The following PIGB variants were observed in gnomAD, a reference collection of about 807,000 sequenced individuals.
PIGB encodes the protein phosphatidylinositol glycan anchor biosynthesis class B, also known as GPI alpha-1,2-mannosyltransferase 3.
PIGB carries 58 observed loss-of-function variants against 68.4 expected under a neutral mutation model. The observed-to-expected ratio is 0.85, with a 90% CI of 0.69 to 1.06. The LOEUF is 1.06. PIGB is among the 50% of genes least tolerant of loss of function. PIGB has a pLI of 0.00. For missense variants in PIGB, 634 were observed against 655.8 expected, an observed-to-expected ratio of 0.97 and a Z score of 0.36; for synonymous variants, 219 against 220.5, an observed-to-expected ratio of 0.99 and a Z score of 0.06.
At chr15:55,342,389 AATTATT>A (rs1200102984) in intron 9 of PIGB, among the ~76,000 whole-genome samples, 1 of 152,084 alleles carries the variant, frequency 6.6e-6, no homozygotes, top group Non-Finnish European at 1.5e-5. Flanking sequence ...AGGCATATGC[AATTATT>A]ATTATTATCT....
intron 9 of PIGB, chr15:55,349,918 G>A (rs2055884785): frequency 6.6e-6 from 1 of 152,200 alleles, no homozygotes. Flanking sequence ...ATCCTAATAT[G>A]TCCATTAATA....
At chr15:55,335,798 A>G (rs1053958356) in intron 6 of PIGB, among the ~76,000 whole-genome samples, 3 of 152,158 alleles carry the variant, frequency 2.0e-5, no homozygotes, top group Admixed American at 1.3e-4. Context: ...AACAGCAAGG[A>G]GACTGATGTG....
chr15:55,333,115 T>C (rs768454138), intron 5 of PIGB, among the ~76,000 whole-genome samples: 1 of 151,960 alleles, frequency 6.6e-6, no homozygotes, highest in African/African-American at 2.4e-5. Context: ...AAGAAAGTAA[T>C]TGGCAAAGTT....
chr15:55,354,777 T>C lies in PIGB; in HGVS notation c.1338-21T>C, dbSNP rs1166588958. On this transcript the variant is annotated intron_variant, in intron 10 of 11. Coordinates refer to ENST00000164305, the MANE Select transcript of PIGB (RefSeq NM_004855.5). ...TTTCATGTTTTACTTGTATTTATTA[T>C]GGTAACTTTTCTTTTCATAGCCATG... The C allele has an allele frequency of 1.9e-6, 3 of 1,567,982 alleles. No individual in the cohort carries two copies. In the South Asian group the frequency reaches 3.6e-5, roughly 19 times the overall value.
chr15:55,320,102 A>T (rs1348564297), intron 1 of PIGB, 173 bp from the exon 2 acceptor site: 1 of 455,944 alleles, frequency 2.2e-6, no homozygotes, highest in Admixed American at 3.9e-5. Context: ...TCACCCAGTG[A>T]TGACGCTGTG....
At chr15:55,325,972 G>A (rs1202971631) in intron 3 of PIGB, among the ~76,000 whole-genome samples, 1 of 152,056 alleles carries the variant, frequency 6.6e-6, no homozygotes, top group Non-Finnish European at 1.5e-5. Flanking sequence ...CGAGGCAGGC[G>A]GATTGCCTGA....
chr15:55,333,853 T>C lies in PIGB; in HGVS notation c.654-14T>C. 1 of 1,532,634 alleles carries C rather than the reference T, an allele frequency of 6.5e-7. No individual in the cohort carries two copies. The highest frequency in any genetic ancestry group is 1.2e-5 in the South Asian group (1 of 80,088). 94.9% of individuals were successfully genotyped at this position (1,532,634 alleles called of 1,614,324 possible). On this transcript the variant is annotated splice_polypyrimidine_tract_variant and intron_variant, in intron 5 of 11. Transcript: ENST00000164305. ...AATTTCCCACTTGTCTTATCACACA[T>C]TTTCCTCTTATAGTGTCAAATACTC...
At chr15:55,354,672 A>T in intron 10 of PIGB, 126 bp from the exon 11 acceptor site, 1 of 695,168 alleles carries the variant, frequency 1.4e-6, no homozygotes, top group Non-Finnish European at 2.3e-6. Context: ...TTGCTTCTTC[A>T]CTTAACTGCA....
intron 10 of PIGB, among the ~76,000 whole-genome samples, chr15:55,353,998 T>TAAAAATAAAAATAAAAAA (rs112479438): frequency 8.9e-6 from 1 of 112,032 alleles, no homozygotes; most frequent in African/African-American, 4.2e-5. Flanking sequence ...TCATCTTAAA[T>TAAAAATAAAAATAAAAAA]AAAAAAAAAA....
chr15:55,322,115 G>C (rs1030714780), intron 3 of PIGB, among the ~76,000 whole-genome samples: 1 of 151,664 alleles, frequency 6.6e-6, no homozygotes, highest in Non-Finnish European at 1.5e-5. Context: ...TGGAGGTTGC[G>C]GTGAGCCGAG....
chr15:55,324,297 C>G (rs1046428637), intron 3 of PIGB, among the ~76,000 whole-genome samples: 1 of 152,170 alleles, frequency 6.6e-6, no homozygotes, highest in African/African-American at 2.4e-5. Context: ...GCCTAGTGCT[C>G]AAGTTACGCC....
At chr15:55,341,655 T>G in intron 8 of PIGB, 83 bp from the exon 9 acceptor site, 1 of 460,088 alleles carries the variant, frequency 2.2e-6, no homozygotes, top group South Asian at 4.7e-5. Context: ...GTTAAATATA[T>G]TTTATATTAA....
In PIGB at chr15:55,354,961, T is replaced by A; in HGVS notation, c.1501T>A (p.Phe501Ile). 1 of 1,611,386 alleles carries A rather than the reference T, an allele frequency of 6.2e-7. No homozygotes were observed. Among genetic ancestry groups the A allele is most frequent in the Non-Finnish European group, 8.5e-7 (1 of 1,178,748 alleles). ...ATCATTGCCTACTCACTTGATCACC[T>A]TCAGCATTTTGGAAGAGGTAAGTAA... ...DASLPTHLIT[F>I]SILEEEISAF... is the part of the protein sequence containing the mutation. Residue 501 changes from phenylalanine to isoleucine, a missense_variant, in exon 11 of 12, where the codon TTC (phenylalanine) becomes ATC (isoleucine). Coordinates refer to ENST00000164305, the MANE Select transcript of PIGB (RefSeq NM_004855.5).
chr15:55,340,312 C>T (rs188832172), intron 7 of PIGB: 7,214 of 169,628 alleles, frequency 0.043, 229 homozygotes, highest in Middle Eastern at 0.067. Context: ...AAAAATTAGC[C>T]GGGCGTGGTA....
intron 9 of PIGB, among the ~76,000 whole-genome samples, chr15:55,343,742 C>T (rs1011494400): frequency 2.6e-5 from 4 of 152,126 alleles, no homozygotes; most frequent in Non-Finnish European, 5.9e-5. Context: ...AGAAGGATCC[C>T]TAAAAGACAG....
At position 55,334,864 on chromosome 15, in the gene PIGB, C is replaced by T. The variant is rs556638334; in HGVS notation, c.794+857C>T. Among the ~76,000 whole-genome samples, 593 of 152,240 alleles carry T rather than the reference C, an allele frequency of 3.9e-3. 1 individual carries two copies. Among genetic ancestry groups the T allele is most frequent in the Non-Finnish European group, 6.2e-3 (425 of 68,010 alleles). On this transcript the variant is annotated intron_variant, in intron 6 of 11. Transcript: ENST00000164305. ...CCTCCCAAACAGCTGGGATTACAGG[C>T]GCCTGCCACCACGCCTGGCTAATTT...
At chr15:55,354,395 T>C (rs1192153789) in intron 10 of PIGB, among the ~76,000 whole-genome samples, 2 of 152,096 alleles carry the variant, frequency 1.3e-5, no homozygotes, top group East Asian at 1.9e-4. Flanking sequence ...TTTCTGATTA[T>C]GATCACAGTT....
chr15:55,344,115 C>T (rs1008924847), intron 9 of PIGB, among the ~76,000 whole-genome samples: 1 of 152,220 alleles, frequency 6.6e-6, no homozygotes, highest in African/African-American at 2.4e-5. Context: ...CTCTGTCAGC[C>T]ATTGCTGTGT....
chr15:55,350,628 A>T, intron 9 of PIGB, 71 bp from the exon 10 acceptor site: 1 of 911,054 alleles, frequency 1.1e-6, no homozygotes, highest in Non-Finnish European at 1.8e-6. Context: ...ATTAAAAATT[A>T]CAGATGTATT....
Sources: gnomAD v4.1 joint callset for allele counts (sites outside exome capture counted in the v4.1 genomes callset) on GRCh38, gnomAD v4.1.1 for gene constraint, MANE v1.5 for transcripts, NCBI Gene and HGNC (gene_info 2026-07-23, HGNC 2026-07-21) for gene names.